The following TBCK variants were observed in gnomAD, a reference collection of about 807,000 sequenced individuals.
TBCK encodes the protein TBC1 domain containing kinase.
Under a neutral mutation model 113.4 loss-of-function variants are expected in TBCK, and 99 were observed. The observed-to-expected ratio is 0.87, with a 90% confidence interval of 0.74 to 1.03. The LOEUF is 1.03. TBCK is among the 50% of genes least tolerant of loss of function. TBCK has a pLI of 0.00. For missense variants in TBCK, 1,045 were observed against 1,061.3 expected (o/e 0.98, Z 0.21); for synonymous variants, 369 against 370.8 (o/e 1.00, Z 0.05).
chr4:106,120,557 A>G (rs1211685428), intron 23 of TBCK, among the ~76,000 whole-genome samples: 2 of 152,182 alleles, frequency 1.3e-5, no homozygotes, highest in Admixed American at 1.3e-4. Context: ...TGCAGACTTA[A>G]ATGTCCCTGT....
chr4:106,063,817 T>A (rs1459458252), intron 25 of TBCK, among the ~76,000 whole-genome samples: 1 of 151,866 alleles, frequency 6.6e-6, no homozygotes, highest in Non-Finnish European at 1.5e-5. Context: ...AGACACAGCA[T>A]AAAGATGGCC....
chr4:106,193,692 C>G lies in TBCK; in HGVS notation c.1976G>C (p.Gly659Ala). Residue 659 changes from glycine (G) to alanine (A), a missense_variant, in exon 22 of 26, where the codon GGA (glycine) becomes GCA (alanine). Coordinates refer to ENST00000394708, the MANE Select transcript of TBCK (RefSeq NM_001163435.3). ...CCGCAGCTGCTGAAGAATTGCTACT[C>G]CAATACAGAATGGGAAAGAGGAATT... ...LGNSSFPFCI[G>A]VAILQQLRDR... 6.2e-7 allele frequency: 1 copy of G among 1,612,950 alleles called. No homozygotes were observed. The highest frequency in any genetic ancestry group is 8.5e-7 in the Non-Finnish European group (1 of 1,179,460).
At chr4:106,113,276 T>C (rs1008430754) in intron 24 of TBCK, among the ~76,000 whole-genome samples, 1 of 152,122 alleles carries the variant, frequency 6.6e-6, no homozygotes, top group African/African-American at 2.4e-5. Flanking sequence ...TAGTAGAACA[T>C]ACTCACTCTA....
intron 5 of TBCK, among the ~76,000 whole-genome samples, chr4:106,252,474 A>T (rs1761545120): frequency 6.6e-6 from 1 of 152,116 alleles, no homozygotes; most frequent in Admixed American, 6.6e-5. Flanking sequence ...ATACATATTT[A>T]TGTATATATA....
chr4:106,189,068 T>C (rs1753362422), intron 22 of TBCK, among the ~76,000 whole-genome samples: 3 of 152,196 alleles, frequency 2.0e-5, no homozygotes, highest in South Asian at 2.1e-4. Context: ...TCAGTGACTA[T>C]ACACCATGCC....
At chr4:106,049,051 CCT>C (rs1264908798) in intron 25 of TBCK, among the ~76,000 whole-genome samples, 3 of 152,114 alleles carry the variant, frequency 2.0e-5, no homozygotes, top group Non-Finnish European at 4.4e-5. Flanking sequence ...GAGTTATGCT[CCT>C]CTGATGCTCT....
At chr4:106,059,233 G>A (rs574571712) in intron 25 of TBCK, among the ~76,000 whole-genome samples, 164 of 151,736 alleles carry the variant, frequency 1.1e-3, no homozygotes, top group African/African-American at 3.7e-3. Flanking sequence ...AGTACACTTA[G>A]AGGGTTGTTG....
intron 23 of TBCK, among the ~76,000 whole-genome samples, chr4:106,156,502 G>A (rs1335632498): frequency 2.6e-5 from 4 of 152,168 alleles, no homozygotes; most frequent in South Asian, 2.1e-4. Flanking sequence ...TGCCATCTGC[G>A]AGCCAGGGAC....
At chr4:106,099,781 C>G (rs1429212048) in intron 24 of TBCK, among the ~76,000 whole-genome samples, 1 of 152,144 alleles carries the variant, frequency 6.6e-6, no homozygotes, top group African/African-American at 2.4e-5. Context: ...GCTTAAACTA[C>G]TGTAGTAACT....
At chr4:106,221,954 C>T (rs1029987978) in intron 19 of TBCK, among the ~76,000 whole-genome samples, 5 of 151,792 alleles carry the variant, frequency 3.3e-5, no homozygotes, top group Non-Finnish European at 5.9e-5. Context: ...TACATGTACC[C>T]TGAATCTAAA....
chr4:106,162,527 G>C (rs1324195626), intron 23 of TBCK, among the ~76,000 whole-genome samples: 2 of 152,160 alleles, frequency 1.3e-5, no homozygotes, highest in African/African-American at 2.4e-5. Flanking sequence ...GAGGTTCTCT[G>C]TTAGGGCTCT....
chr4:106,279,080 A>G (rs1449914655), intron 3 of TBCK, among the ~76,000 whole-genome samples: 2 of 152,192 alleles, frequency 1.3e-5, no homozygotes, highest in Non-Finnish European at 2.9e-5. Context: ...TAATGGATAT[A>G]GACCTTTTCT....
At chr4:106,247,445 ATTATAATC>A in intron 9 of TBCK, 158 bp from the exon 10 acceptor site, 1 of 596,764 alleles carries the variant, frequency 1.7e-6, no homozygotes. Flanking sequence ...ATACTTTTAT[ATTATAATC>A]AAATAACTGT....
chr4:106,218,245 A>T (rs1757223847), intron 19 of TBCK, among the ~76,000 whole-genome samples: 1 of 149,434 alleles, frequency 6.7e-6, no homozygotes, highest in Admixed American at 6.7e-5. Flanking sequence ...CTTAAACGTT[A>T]GACCTAAAAC....
intron 23 of TBCK, among the ~76,000 whole-genome samples, chr4:106,124,841 G>C (rs1009944743): frequency 5.9e-5 from 9 of 151,770 alleles, no homozygotes; most frequent in Non-Finnish European, 1.3e-4. Flanking sequence ...TCACACTCTG[G>C]GGACTGTTGT....
At position 106,311,602 on chromosome 4, in the gene TBCK, G is replaced by A. The variant is rs552319087; in HGVS notation, c.-29-2613C>T. Among the ~76,000 whole-genome samples the A allele has an allele frequency of 2.0e-5, 3 of 152,114 alleles. No individual in the cohort carries two copies. In the South Asian group the frequency reaches 6.2e-4, roughly 32 times the overall value. The stretch of plus-strand genomic sequence containing the variant: ...TATGGGTTACTACCAAATTAAAGTG[G>A]GGTAAGGTTAGGGAAAAATTCATAA... On this transcript the variant is annotated intron_variant, in intron 1 of 25. Coordinates refer to ENST00000394708, the MANE Select transcript of TBCK (RefSeq NM_001163435.3).
At chr4:106,240,169 T>C (rs1007902304) in intron 12 of TBCK, among the ~76,000 whole-genome samples, 1 of 151,964 alleles carries the variant, frequency 6.6e-6, no homozygotes, top group Non-Finnish European at 1.5e-5. Flanking sequence ...AAACACTCAG[T>C]GAAATTCAAC....
chr4:106,117,060 G>A (rs897266546), intron 23 of TBCK, among the ~76,000 whole-genome samples: 1 of 152,070 alleles, frequency 6.6e-6, no homozygotes, highest in Admixed American at 6.5e-5. Flanking sequence ...GACCGCTGGT[G>A]TAACTGATAC....
intron 23 of TBCK, 32 bp from the exon 24 acceptor site, chr4:106,116,410 G>A (rs760483863): frequency 1.3e-6 from 2 of 1,564,904 alleles, no homozygotes; most frequent in Non-Finnish European, 1.7e-6. Flanking sequence ...AAAAAATATT[G>A]AGAATATTAT....
Sources: gnomAD v4.1 joint callset for allele counts (sites outside exome capture counted in the v4.1 genomes callset) on GRCh38, gnomAD v4.1.1 for gene constraint, MANE v1.5 for transcripts, NCBI Gene and HGNC (gene_info 2026-07-23, HGNC 2026-07-21) for gene names.